CCDC66: variants seen among roughly 807,000 people sequenced by gnomAD.
CCDC66 encodes coiled-coil domain-containing protein 66.
In CCDC66, 133 loss-of-function variants were observed where a neutral mutation model predicts 128.3. The ratio of observed to expected loss-of-function variants is 1.04; its 90% CI spans 0.90 to 1.20. The LOEUF is 1.20. Among genes scored for constraint, CCDC66 ranks in the 50% most tolerant of loss-of-function variants. CCDC66 has a pLI of 0.00. For missense variants in CCDC66, 1,126 were observed against 1,075.5 expected (o/e 1.05, Z -0.66); for synonymous variants, 387 against 357.0 (o/e 1.08, Z -0.95).
chr3:56,600,267 C>G (rs1319640205), intron 10 of CCDC66, among the ~76,000 whole-genome samples: 1 of 151,278 alleles, frequency 6.6e-6, no homozygotes, highest in Non-Finnish European at 1.5e-5. Flanking sequence ...TCCTGCCCCA[C>G]CCTCCCAAGT....
rs139310619 is a variant in CCDC66 at position 56,607,675 on chromosome 3, G to A, written c.1405-5914G>A. Among the ~76,000 whole-genome samples the A allele has an allele frequency of 3.8e-4, 58 of 152,256 alleles. No individual in the cohort carries two copies. The East Asian group carries it at 0.011, about 28-fold the overall frequency. On this transcript the variant is annotated intron_variant, in intron 10 of 17. Coordinates refer to ENST00000394672, the MANE Select transcript of CCDC66 (RefSeq NM_001141947.3). ...TTCTGGCTGGGACTTCCAGTACTAC[G>A]TTGAAGAGGAGTGATGAGAGTGGGC...
At chr3:56,600,861 G>A (rs181107319) in intron 10 of CCDC66, among the ~76,000 whole-genome samples, 1 of 152,120 alleles carries the variant, frequency 6.6e-6, no homozygotes, top group African/African-American at 2.4e-5. Context: ...TAGGTTCTTT[G>A]TAGATTTTGA....
chr3:56,562,185 C>T lies in CCDC66; in HGVS notation c.103-1499C>T, dbSNP rs1012084514. ...CCTCCCAAGTAGCTAGGACTACAGG[C>T]GCGTGCCCACACCACCAGGCTCAGT... is the stretch of plus-strand genomic sequence containing the variant. On this transcript the variant is annotated intron_variant, in intron 3 of 17. Coordinates refer to ENST00000394672, the MANE Select transcript of CCDC66 (RefSeq NM_001141947.3). 6.6e-5 allele frequency among the ~76,000 whole-genome samples: 10 copies of T among 151,734 alleles called. No homozygotes were observed. The East Asian group carries it at 1.6e-3, about 24-fold the overall frequency.
intron 10 of CCDC66, among the ~76,000 whole-genome samples, chr3:56,600,446 T>C (rs2072964010): frequency 6.6e-6 from 1 of 151,960 alleles, no homozygotes; most frequent in South Asian, 2.1e-4. Flanking sequence ...CGCGCCCGGC[T>C]GCATGTATCT....
rs1172008838 is a variant in CCDC66, at chr3:56,559,544, T to C, written c.77-25T>C. On this transcript the variant is annotated intron_variant, in intron 2 of 17. Transcript: ENST00000394672. ...CTTAGTATGCTTTTGGTGGATAGTTTAGTAATTTCTTTTTTCTTTTGTAGA... is the reference window on the plus strand; with the variant it reads ...CTTAGTATGCTTTTGGTGGATAGTTCAGTAATTTCTTTTTTCTTTTGTAGA... 12 of 1,488,414 alleles carry C rather than the reference T, an allele frequency of 8.1e-6. No homozygotes were observed. In the Middle Eastern group the frequency reaches 1.0e-3, roughly 127 times the overall value. The allele number at this position is 1,488,414 out of a possible 1,614,324, so 92.2% of individuals were successfully genotyped here. A position where few individuals can be genotyped will look rare whatever the true frequency, so the allele number is the denominator to read the frequency against.
At chr3:56,594,348 T>G (rs544658644) in intron 10 of CCDC66, among the ~76,000 whole-genome samples, 132 of 151,742 alleles carry the variant, frequency 8.7e-4, no homozygotes, top group African/African-American at 3.1e-3. Flanking sequence ...AAGATGAGAA[T>G]TCATTCTTTG....
intron 6 of CCDC66, among the ~76,000 whole-genome samples, chr3:56,567,412 T>A (rs73081816): frequency 0.027 from 4,076 of 152,158 alleles, 66 homozygotes; most frequent in Middle Eastern, 0.055. Flanking sequence ...AAAAAGAATA[T>A]GTATTGAGGA....
At chr3:56,603,632 T>G (rs2073607530) in intron 10 of CCDC66, among the ~76,000 whole-genome samples, 1 of 152,100 alleles carries the variant, frequency 6.6e-6, no homozygotes, top group Non-Finnish European at 1.5e-5. Flanking sequence ...CTAATTTGAT[T>G]GCACTGTGGT....
intron 10 of CCDC66, among the ~76,000 whole-genome samples, chr3:56,605,761 TGAG>T (rs1311865238): frequency 1.3e-5 from 2 of 151,984 alleles, no homozygotes; most frequent in Admixed American, 6.5e-5. Flanking sequence ...GGGACCCACT[TGAG>T]GAGGCAGTCT....
At chr3:56,559,534 G>A (rs2064824384) in intron 2 of CCDC66, 35 bp from the exon 3 acceptor site, 1 of 1,434,356 alleles carries the variant, frequency 7.0e-7, no homozygotes, top group South Asian at 1.3e-5. Flanking sequence ...TATGCTTTTG[G>A]TGGATAGTTT....
Position 56,619,837 on chromosome 3 carries a change from C to T in CCDC66, c.2696C>T (p.Pro899Leu), listed in dbSNP as rs370400474. 134 of 1,613,940 alleles carry T rather than the reference C, an allele frequency of 8.3e-5. No individual in the cohort carries two copies. The highest frequency in any genetic ancestry group is 1.0e-4 in the Non-Finnish European group (121 of 1,180,002). ...SDCVRDPLLN[P>L]NMVKNRDRQQ... The stretch of plus-strand genomic sequence containing the variant: ...TGTGTCAGGGATCCACTTCTTAATC[C>T]TAACATGGTGAAAAATAGGGATCGA... Residue 899 changes from proline (P) to leucine (L), a missense_variant, in exon 17 of 18, where the codon CCT (proline) becomes CTT (leucine). Transcript: ENST00000394672.
chr3:56,563,159 G>A (rs1035691327), intron 3 of CCDC66, among the ~76,000 whole-genome samples: 3 of 151,586 alleles, frequency 2.0e-5, no homozygotes, highest in Non-Finnish European at 4.4e-5. Flanking sequence ...TCAGGAGTTC[G>A]AGACCAGCCC....
At chr3:56,612,863 GC>G (rs1479069103) in intron 10 of CCDC66, among the ~76,000 whole-genome samples, 1 of 152,304 alleles carries the variant, frequency 6.6e-6, no homozygotes, top group South Asian at 2.1e-4. Flanking sequence ...GGGCAGACCT[GC>G]CCCCGGGTTC....
chr3:56,603,923 G>GTC (rs1351749950), intron 10 of CCDC66, among the ~76,000 whole-genome samples: 3 of 152,068 alleles, frequency 2.0e-5, no homozygotes, highest in Non-Finnish European at 4.4e-5. Context: ...GGGAGTCTAA[G>GTC]TCTCTTTGTA....
chr3:56,589,093 T>A (rs1274780691), intron 7 of CCDC66, among the ~76,000 whole-genome samples: 2 of 152,080 alleles, frequency 1.3e-5, no homozygotes, highest in Admixed American at 6.6e-5. Context: ...AAGCCCCTCA[T>A]AAAATCGAGA....
In CCDC66 at chr3:56,563,867, T is replaced by C. The variant is rs747679155; in HGVS notation, c.286T>C (p.Cys96Arg). The change falls in exon 4 of 18, where the codon TGT (cysteine) becomes CGT (arginine). Residue 96 changes from cysteine (C) to arginine (R), a missense_variant. Cys to Arg is a radical substitution (Grantham distance 180). Coordinates refer to ENST00000394672, the MANE Select transcript of CCDC66 (RefSeq NM_001141947.3). ...GACTTTTTCATCCACTAAGGATTTA[T>C]GTAAACAATGTATAGATAAAGACTG... ...GMTFSSTKDL[C>R]KQCIDKDCLH... 14 of 1,600,352 alleles carry C rather than the reference T, an allele frequency of 8.7e-6. No homozygotes were observed. In the East Asian group the frequency reaches 1.4e-4, roughly 16 times the overall value.
Position 56,593,702 on chromosome 3 carries a change from C to G in CCDC66, c.1280C>G (p.Pro427Arg), listed in dbSNP as rs1370823956. Residue 427 changes from proline to arginine, a missense_variant, in exon 9 of 18, where the codon CCT becomes CGT. By Grantham distance (103) the Pro-to-Arg change is moderately radical (BLOSUM62 -2). Coordinates refer to ENST00000394672, the MANE Select transcript of CCDC66 (RefSeq NM_001141947.3). Reference sequence around the variant, plus strand: ...TCAGAGGAGGAGCATATAGCAAAACCTATTAAGGATGTGGTTATGGCAAAC... The same window carrying G: ...TCAGAGGAGGAGCATATAGCAAAACGTATTAAGGATGTGGTTATGGCAAAC... Reference protein sequence around the residue: ...EPSEEEHIAKPIKDVVMANSK... With the variant: ...EPSEEEHIAKRIKDVVMANSK... 2.5e-6 allele frequency: 4 copies of G among 1,613,960 alleles called. No individual in the cohort carries two copies. The highest frequency in any genetic ancestry group is 2.2e-5 in the East Asian group (1 of 44,872).
chr3:56,614,729 CCA>C (rs1190811491), intron 11 of CCDC66, among the ~76,000 whole-genome samples: 1 of 152,144 alleles, frequency 6.6e-6, no homozygotes, highest in East Asian at 1.9e-4. Context: ...GGTCTGGGTT[CCA>C]GTTTCATTGA....
intron 3 of CCDC66, among the ~76,000 whole-genome samples, chr3:56,560,058 A>G (rs73079902): frequency 0.38 from 58,091 of 152,126 alleles, 13,694 homozygotes; most frequent in Non-Finnish European, 0.54. Flanking sequence ...TTTTCTTTTC[A>G]TACTCAAATT....
Sources: allele counts gnomAD v4.1 joint callset (sites outside exome capture counted in the v4.1 genomes callset), GRCh38; gene constraint gnomAD v4.1.1; transcripts MANE v1.5; gene names NCBI Gene and HGNC (gene_info 2026-07-23, HGNC 2026-07-21).